The following SMOC1 variants were observed in gnomAD, a reference collection of about 807,000 sequenced individuals.
SMOC1 encodes SPARC-related modular calcium-binding protein 1.
In SMOC1, 22 loss-of-function variants were observed where a neutral mutation model predicts 56.3. That is an observed-to-expected ratio of 0.39 (90% CI 0.28 to 0.56). SMOC1 has a LOEUF of 0.56. Among genes scored for constraint, SMOC1 ranks in the 20% least tolerant of loss-of-function variants. The probability of loss-of-function intolerance (pLI) is 0.61; values close to 1 mark genes in which losing one functional copy is unlikely to be tolerated. For missense variants in SMOC1, 509 were observed against 565.4 expected (o/e 0.90, Z 1.01); for synonymous variants, 193 against 215.0 (o/e 0.90, Z 0.89).
At chr14:69,959,841 A>T (rs1883309576) in intron 3 of SMOC1, among the ~76,000 whole-genome samples, 1 of 152,158 alleles carries the variant, frequency 6.6e-6, no homozygotes, top group African/African-American at 2.4e-5. Context: ...CTCTATTGTC[A>T]TTTCCATAGT....
At chr14:69,964,233 G>T (rs908290690) in intron 3 of SMOC1, among the ~76,000 whole-genome samples, 3 of 152,142 alleles carry the variant, frequency 2.0e-5, no homozygotes, top group Non-Finnish European at 4.4e-5. Context: ...AGTGAGCTCT[G>T]GGCGGTATCT....
At chr14:70,005,233 A>G (rs926245860) in intron 7 of SMOC1, among the ~76,000 whole-genome samples, 4 of 152,242 alleles carry the variant, frequency 2.6e-5, no homozygotes, top group African/African-American at 9.6e-5. Flanking sequence ...ATAAAAGACT[A>G]AACTCTGGGC....
At chr14:69,934,211 G>A (rs566794358) in intron 1 of SMOC1, among the ~76,000 whole-genome samples, 2 of 152,228 alleles carry the variant, frequency 1.3e-5, no homozygotes, top group East Asian at 3.9e-4. Context: ...ACCTTCCCAA[G>A]CAGCACCCCT....
intron 1 of SMOC1, among the ~76,000 whole-genome samples, chr14:69,902,063 C>T (rs1884255893): frequency 6.6e-6 from 1 of 152,200 alleles, no homozygotes; most frequent in Non-Finnish European, 1.5e-5. Context: ...TGTATGCCCT[C>T]CTCTGGTTTA....
intron 5 of SMOC1, among the ~76,000 whole-genome samples, chr14:69,979,877 C>G (rs947591164): frequency 6.6e-6 from 1 of 152,186 alleles, no homozygotes; most frequent in Admixed American, 6.5e-5. Context: ...GATTCCCCTC[C>G]TCCAAAGGGA....
In SMOC1 at chr14:70,011,466, C is replaced by CCCAAA; in HGVS notation, c.858-19_858-18insCCAAA. 2 of 1,561,706 alleles carry CCCAAA rather than the reference C, an allele frequency of 1.3e-6. No individual in the cohort carries two copies. The highest frequency in any genetic ancestry group is 1.1e-5 in the South Asian group (1 of 90,120). On this transcript the variant is annotated intron_variant, in intron 8 of 11. Coordinates refer to ENST00000361956, the MANE Select transcript of SMOC1 (RefSeq NM_001034852.3). ...GTTGCCAGCCCCTCCCAACCCCCCC[C>CCCAAA]ATATCTCTCTTTTCCCAGCTACGTG...
chr14:69,982,270 A>T (rs1470411984), intron 5 of SMOC1, among the ~76,000 whole-genome samples: 1 of 152,212 alleles, frequency 6.6e-6, no homozygotes, highest in Non-Finnish European at 1.5e-5. Context: ...AGTCTTGGAG[A>T]GGGGCAGAAC....
chr14:69,962,968 C>G (rs896118246), intron 3 of SMOC1, among the ~76,000 whole-genome samples: 3 of 152,106 alleles, frequency 2.0e-5, no homozygotes, highest in African/African-American at 7.2e-5. Flanking sequence ...TCGGTTGTCT[C>G]AGGACTACTT....
chr14:69,904,005 G>A (rs1249576978), intron 1 of SMOC1, among the ~76,000 whole-genome samples: 2 of 152,122 alleles, frequency 1.3e-5, no homozygotes, highest in South Asian at 2.1e-4. Flanking sequence ...CAGTGAGGTC[G>A]TCTCGGACCT....
chr14:70,023,671 G>C (rs978638194), intron 11 of SMOC1, among the ~76,000 whole-genome samples: 2 of 152,214 alleles, frequency 1.3e-5, no homozygotes, highest in African/African-American at 4.8e-5. Flanking sequence ...ACTCACATGA[G>C]CTGTGATACA....
chr14:70,029,209 G>T lies in SMOC1; in HGVS notation c.1292-1033G>T, dbSNP rs191371187. Among the ~76,000 whole-genome samples the T allele has an allele frequency of 4.1e-4, 63 of 152,338 alleles. No individual in the cohort carries two copies. The East Asian group carries it at 9.3e-3, about 22-fold the overall frequency. On this transcript the variant is annotated intron_variant, in intron 11 of 11. Transcript: ENST00000361956. ...AAGAGGCCAGGACCTGCTGGAGCAG[G>T]CGTGGCAGTTTCCACAATGGCTCAG...
chr14:69,938,570 T>G (rs1882413843), intron 1 of SMOC1, among the ~76,000 whole-genome samples: 1 of 152,008 alleles, frequency 6.6e-6, no homozygotes, highest in Admixed American at 6.6e-5. Context: ...TTCTTACCCC[T>G]TAAGATGTTG....
intron 5 of SMOC1, among the ~76,000 whole-genome samples, chr14:69,989,339 G>T (rs1048978593): frequency 7.2e-5 from 11 of 152,044 alleles, no homozygotes; most frequent in Non-Finnish European, 1.6e-4. Flanking sequence ...TCTCTTCTTT[G>T]GTGAAATGTC....
chr14:70,013,631 C>T (rs1885412051), intron 10 of SMOC1, 140 bp downstream of exon 10: 3 of 757,442 alleles, frequency 4.0e-6, no homozygotes, highest in Non-Finnish European at 6.8e-6. Context: ...AAACCATGTA[C>T]CCATAGCTTT....
chr14:69,951,945 G>A (rs1490839159), intron 1 of SMOC1, among the ~76,000 whole-genome samples, 193 bp from the exon 2 acceptor site: 1 of 152,198 alleles, frequency 6.6e-6, no homozygotes, highest in Non-Finnish European at 1.5e-5. Context: ...AGACATTATT[G>A]TTCTTATGAT....
intron 1 of SMOC1, among the ~76,000 whole-genome samples, chr14:69,889,040 A>C (rs1332142327): frequency 6.6e-6 from 1 of 152,220 alleles, no homozygotes; most frequent in East Asian, 1.9e-4. Context: ...TATTAGCCAC[A>C]TGTGGCTATT....
At chr14:69,953,843 A>G (rs1045515078) in intron 3 of SMOC1, among the ~76,000 whole-genome samples, 1 of 152,120 alleles carries the variant, frequency 6.6e-6, no homozygotes, top group African/African-American at 2.4e-5. Flanking sequence ...CTCTTCTGTT[A>G]AATGTGAGCT....
intron 3 of SMOC1, among the ~76,000 whole-genome samples, chr14:69,969,893 A>G (rs1202383049): frequency 2.6e-5 from 4 of 152,150 alleles, no homozygotes; most frequent in Non-Finnish European, 4.4e-5. Flanking sequence ...TCATCAGTGT[A>G]TCAAATTGGA....
intron 1 of SMOC1, among the ~76,000 whole-genome samples, chr14:69,884,893 T>C (rs1019888892): frequency 7.2e-5 from 11 of 152,216 alleles, no homozygotes; most frequent in Non-Finnish European, 1.5e-4. Context: ...TTGTTACTTT[T>C]TACTTTGCTT....
Sources: gnomAD v4.1 joint callset for allele counts (sites outside exome capture counted in the v4.1 genomes callset) on GRCh38, gnomAD v4.1.1 for gene constraint, MANE v1.5 for transcripts, NCBI Gene and HGNC (gene_info 2026-07-23, HGNC 2026-07-21) for gene names.